Variants in ATIC observed in about 807,000 individuals in gnomAD.
ATIC encodes the protein bifunctional purine biosynthesis protein ATIC.
ATIC carries 64 observed loss-of-function variants against 72.5 expected under a neutral mutation model. That is an observed-to-expected ratio of 0.88 (90% CI 0.72 to 1.09). The LOEUF (loss-of-function observed/expected upper bound fraction) is 1.09, where lower values mean the gene tolerates loss of function less well. Among genes scored for constraint, ATIC ranks in the 50% least tolerant of loss-of-function variants. The pLI, the probability that ATIC is intolerant of heterozygous loss-of-function variation, is 0.00. For missense variants in ATIC, 787 were observed against 732.4 expected (o/e 1.07, Z -0.86); for synonymous variants, 281 against 267.1 (o/e 1.05, Z -0.51).
Position 215,326,143 on chromosome 2 carries a change from G to A in ATIC, c.531+5G>A. 1.9e-6 allele frequency: 3 copies of A among 1,613,798 alleles called. No individual in the cohort carries two copies. Among genetic ancestry groups the A allele is most frequent in the Non-Finnish European group, 2.5e-6 (3 of 1,179,848 alleles). On this transcript the variant is annotated splice_donor_5th_base_variant and intron_variant, in intron 6 of 15. Coordinates refer to ENST00000236959, the MANE Select transcript of ATIC (RefSeq NM_004044.7). ...AGACGCCAGTTAGCCTTGAAGGTGG[G>A]ATGCACTTTCATGATATTGTAAGTT...
chr2:215,348,926 C>T, intron 14 of ATIC, 168 bp from the exon 15 acceptor site: 1 of 473,286 alleles, frequency 2.1e-6, no homozygotes, highest in Non-Finnish European at 3.4e-6. Context: ...CCACTGCACT[C>T]CAGCCTGGTG....
the ATIC span, among the ~76,000 whole-genome samples, chr2:215,355,334 A>G: frequency 6.6e-6 from 1 of 152,206 alleles, no homozygotes; most frequent in Admixed American, 6.5e-5. Context: ...AGTGAAATGC[A>G]TAATGATCTT....
In ATIC at chr2:215,332,131, C is replaced by CGTGTGTGT. The variant is rs71044585; in HGVS notation, c.689-214_689-207dup. Reference sequence around the variant, plus strand: ...GACTGGCTGGTTCTGGTCCTCCAGTCGTGTGTGTGTGTGTGTGTGTGTGTG... The same window carrying CGTGTGTGT: ...GACTGGCTGGTTCTGGTCCTCCAGTCGTGTGTGTGTGTGTGTGTGTGTGTGTGTGTGTG... On this transcript the variant is annotated intron_variant, in intron 7 of 15. Coordinates refer to ENST00000236959, the MANE Select transcript of ATIC (RefSeq NM_004044.7). Among the ~76,000 whole-genome samples, 687 of 142,240 alleles carry CGTGTGTGT rather than the reference C, an allele frequency of 4.8e-3. 8 individuals are homozygous for CGTGTGTGT. The highest frequency in any genetic ancestry group is 0.014 in the African/African-American group (523 of 37,578). The allele number at this position is 142,240 out of a possible 152,430, so 93.3% of individuals were successfully genotyped here.
chr2:215,361,281 A>C, the ATIC span: 1 of 398,588 alleles, frequency 2.5e-6, no homozygotes, highest in Non-Finnish European at 4.6e-6. Flanking sequence ...TCCCAAACCA[A>C]ATCTTAGAAT....
At chr2:215,352,999 A>G (rs1430049001), downstream of ATIC, among the ~76,000 whole-genome samples, 1 of 152,204 alleles carries the variant, frequency 6.6e-6, no homozygotes, top group Non-Finnish European at 1.5e-5. Context: ...TTGAGAATTT[A>G]GAAAAAGGTT....
rs55726617 is a variant in ATIC at position 215,332,395 on chromosome 2, C to G, written c.702C>G (p.Ala234=). ...PKLPITVLNG[A]PGFINLCDAL... ...TTTTACATTTAGTTCTAAATGGAGC[C>G]CCTGGATTTATAAACTTGTGCGATG... Residue 234 remains alanine, a synonymous_variant, in exon 8 of 16, where the codon GCC becomes GCG. Transcript: ENST00000236959. 2 of 1,613,720 alleles carry G rather than the reference C, an allele frequency of 1.2e-6. No homozygotes were observed. Among genetic ancestry groups the G allele is most frequent in the Non-Finnish European group, 1.7e-6 (2 of 1,180,016 alleles).
In ATIC at chr2:215,329,473, T is replaced by C. The variant is rs1415902859; in HGVS notation, c.688+2495T>C. On this transcript the variant is annotated intron_variant, in intron 7 of 15. Coordinates refer to ENST00000236959, the MANE Select transcript of ATIC (RefSeq NM_004044.7). ...CCCCAACATGGGCTTATTTCCACAATAGAAAAGGCACTTTGCCTTTTCATG... is the reference window on the plus strand; with the variant it reads ...CCCCAACATGGGCTTATTTCCACAACAGAAAAGGCACTTTGCCTTTTCATG... 3.3e-5 allele frequency among the ~76,000 whole-genome samples: 5 copies of C among 152,176 alleles called. No homozygotes were observed. The South Asian group carries it at 6.2e-4, about 19-fold the overall frequency.
chr2:215,320,901 C>A (rs926672942), intron 4 of ATIC, among the ~76,000 whole-genome samples: 4 of 152,104 alleles, frequency 2.6e-5, no homozygotes, highest in Admixed American at 6.6e-5. Flanking sequence ...GTTAAACAAC[C>A]AGCTCTACAT....
At chr2:215,323,132 A>G (rs551558802) in intron 4 of ATIC, among the ~76,000 whole-genome samples, 4 of 152,066 alleles carry the variant, frequency 2.6e-5, no homozygotes, top group Non-Finnish European at 4.4e-5. Context: ...TTTTTAGTAG[A>G]GACAGGGTTT....
intron 7 of ATIC, among the ~76,000 whole-genome samples, chr2:215,330,240 A>G (rs918092312): frequency 6.6e-6 from 1 of 152,048 alleles, no homozygotes; most frequent in Non-Finnish European, 1.5e-5. Context: ...TTTACTATTT[A>G]TTGCCTAGTT....
the ATIC span, chr2:215,361,890 G>A: frequency 6.7e-7 from 1 of 1,491,066 alleles, no homozygotes; most frequent in Non-Finnish European, 9.2e-7. Context: ...TAAAACACTT[G>A]GTTCATTCTG....
chr2:215,342,244 A>C (rs1251234083), intron 12 of ATIC, among the ~76,000 whole-genome samples: 1 of 152,232 alleles, frequency 6.6e-6, no homozygotes, highest in Non-Finnish European at 1.5e-5. Flanking sequence ...AACCAGAGGA[A>C]TCAGATTTAT....
In ATIC at chr2:215,332,371, T is replaced by G; in HGVS notation, c.689-11T>G. ...CTGCTTAGTAATGTGCATGTATATT[T>G]TTACATTTAGTTCTAAATGGAGCCC... is the stretch of plus-strand genomic sequence containing the variant. On this transcript the variant is annotated splice_polypyrimidine_tract_variant and intron_variant, in intron 7 of 15. Coordinates refer to ENST00000236959, the MANE Select transcript of ATIC (RefSeq NM_004044.7). 1 of 1,614,088 alleles carries G rather than the reference T, an allele frequency of 6.2e-7. No individual in the cohort carries two copies. Among genetic ancestry groups the G allele is most frequent in the Non-Finnish European group, 8.5e-7 (1 of 1,180,008 alleles).
intron 7 of ATIC, among the ~76,000 whole-genome samples, chr2:215,330,097 A>G (rs994494285): frequency 6.6e-6 from 1 of 152,152 alleles, no homozygotes; most frequent in Non-Finnish European, 1.5e-5. Context: ...TCAGAAACCA[A>G]AAGTTTTCTC....
chr2:215,365,038 A>T, the ATIC span: 1 of 1,170,530 alleles, frequency 8.5e-7, no homozygotes, highest in Non-Finnish European at 1.2e-6. Flanking sequence ...AATACTGCAG[A>T]CTTGATCTAG....
chr2:215,353,087 A>G (rs2053142758), downstream of ATIC, among the ~76,000 whole-genome samples: 1 of 152,144 alleles, frequency 6.6e-6, no homozygotes, highest in South Asian at 2.1e-4. Flanking sequence ...TATATATTTG[A>G]GGTTAAAAAC....
In ATIC at chr2:215,324,646, A is replaced by G. The variant is rs114429171; in HGVS notation, c.291-595A>G. On this transcript the variant is annotated intron_variant, in intron 4 of 15. Transcript: ENST00000236959. ...GCCTGCCCGTAGAGCTCCTCGCACTACAGGCCTAGGAGTGGAACTGTACTT... is the reference window on the plus strand; with the variant it reads ...GCCTGCCCGTAGAGCTCCTCGCACTGCAGGCCTAGGAGTGGAACTGTACTT... 7.2e-3 allele frequency among the ~76,000 whole-genome samples: 1,096 copies of G among 152,186 alleles called. 11 individuals are homozygous for G. Among genetic ancestry groups the G allele is most frequent in the African/African-American group, 0.025 (1,043 of 41,522 alleles).
At chr2:215,356,162 G>A in the ATIC span, among the ~76,000 whole-genome samples, 3 of 152,100 alleles carry the variant, frequency 2.0e-5, no homozygotes, top group Admixed American at 6.6e-5. Flanking sequence ...AAAATATTGC[G>A]GGCACTTAAA....
At chr2:215,320,520 C>A (rs1311237541) in intron 4 of ATIC, among the ~76,000 whole-genome samples, 1 of 152,096 alleles carries the variant, frequency 6.6e-6, no homozygotes, top group Admixed American at 6.6e-5. Flanking sequence ...AGAGAAGAAG[C>A]AAGAGAGAGG....
Sources: gnomAD v4.1 joint callset for allele counts (sites outside exome capture counted in the v4.1 genomes callset) on GRCh38, gnomAD v4.1.1 for gene constraint, MANE v1.5 for transcripts, NCBI Gene and HGNC (gene_info 2026-07-23, HGNC 2026-07-21) for gene names.